Variants in PFKM observed in about 807,000 individuals in gnomAD.
The protein encoded by PFKM is phosphofructokinase, muscle, also known as ATP-dependent 6-phosphofructokinase, muscle type.
A neutral mutation model predicts 95.5 loss-of-function variants in PFKM; 58 were observed. The observed-to-expected ratio is 0.61, with a 90% CI of 0.49 to 0.76. The LOEUF (loss-of-function observed/expected upper bound fraction) is 0.76, where lower values mean the gene tolerates loss of function less well. PFKM is among the 30% of genes least tolerant of loss of function. The pLI is 0.00. For missense variants in PFKM, 678 were observed against 1,005.4 expected, an observed-to-expected ratio of 0.67 and a Z score of 4.40; for synonymous variants, 336 against 357.2, an observed-to-expected ratio of 0.94 and a Z score of 0.67.
At chr12:48,126,872 G>A (rs1195263954) in intron 2 of PFKM, among the ~76,000 whole-genome samples, 1 of 152,152 alleles carries the variant, frequency 6.6e-6, no homozygotes, top group Non-Finnish European at 1.5e-5. Context: ...CTAAAGCATT[G>A]AAGGCTTTGT....
chr12:48,130,908 A>G (rs527616945), intron 3 of PFKM, among the ~76,000 whole-genome samples: 5 of 152,116 alleles, frequency 3.3e-5, no homozygotes, highest in Non-Finnish European at 7.4e-5. Context: ...GCTTTCTTGT[A>G]TCAGATTTTA....
intron 14 of PFKM, 21 bp downstream of exon 14, chr12:48,140,892 C>T: frequency 6.2e-7 from 1 of 1,613,592 alleles, no homozygotes; most frequent in Non-Finnish European, 8.5e-7. Context: ...TATTCTGGGA[C>T]CTAGGAGCAG....
intron 4 of PFKM, chr12:48,132,664 T>A (rs1478521170): frequency 1.6e-6 from 1 of 610,386 alleles, no homozygotes; most frequent in Non-Finnish European, 2.9e-6. Flanking sequence ...TTCTCAGATG[T>A]GTAGCAAAAT....
intron 3 of PFKM, among the ~76,000 whole-genome samples, chr12:48,113,417 T>G (rs1466922241): frequency 1.3e-5 from 2 of 152,166 alleles, no homozygotes; most frequent in Non-Finnish European, 2.9e-5. Context: ...TGAGAAGATC[T>G]GGGAAGGAGT....
chr12:48,105,972 C>G (rs1279516760), exon 1 of PFKM: 1 of 699,466 alleles, frequency 1.4e-6, no homozygotes, highest in Non-Finnish European at 2.6e-6. Flanking sequence ...GACACAGTCT[C>G]CTGGACCAGG....
intron 7 of PFKM, 132 bp downstream of exon 7, chr12:48,134,408 CT>C: frequency 1.2e-6 from 1 of 810,688 alleles, no homozygotes; most frequent in Non-Finnish European, 2.2e-6. Flanking sequence ...GTGTGGTTCC[CT>C]TTCCGGCCTC....
intron 1 of PFKM, among the ~76,000 whole-genome samples, chr12:48,120,459 T>A (rs1485576886): frequency 6.6e-6 from 1 of 152,154 alleles, no homozygotes; most frequent in Non-Finnish European, 1.5e-5. Context: ...ATGATCATGA[T>A]CCCTGCCCTG....
intron 4 of PFKM, chr12:48,131,715 C>A (rs1482971375): frequency 2.5e-6 from 1 of 398,208 alleles, no homozygotes; most frequent in Admixed American, 3.6e-5. Flanking sequence ...AATAACCTTA[C>A]CAGAGGACTG....
intron 3 of PFKM, among the ~76,000 whole-genome samples, chr12:48,112,724 C>T (rs1428835198): frequency 2.0e-5 from 3 of 151,530 alleles, no homozygotes; most frequent in Non-Finnish European, 4.4e-5. Context: ...GTTGATAAGG[C>T]GCAGATCCTG....
chr12:48,138,395 T>G (rs962641952), intron 11 of PFKM, among the ~76,000 whole-genome samples: 2 of 152,160 alleles, frequency 1.3e-5, no homozygotes, highest in Admixed American at 6.5e-5. Flanking sequence ...AATCACTCCT[T>G]TGATACCACA....
chr12:48,138,247 G>A (rs921727161), intron 11 of PFKM, among the ~76,000 whole-genome samples: 1 of 152,158 alleles, frequency 6.6e-6, no homozygotes. Context: ...TCTTGAACAT[G>A]TTTCTCTGAA....
At chr12:48,129,265 T>C (rs1362337326) in intron 2 of PFKM, among the ~76,000 whole-genome samples, 9 of 125,644 alleles carry the variant, frequency 7.2e-5, no homozygotes, top group Non-Finnish European at 1.4e-4. Context: ...CTTGCTATGT[T>C]GCCCAGGCTG....
At chr12:48,138,690 G>A (rs901816747) in intron 11 of PFKM, among the ~76,000 whole-genome samples, 1 of 152,192 alleles carries the variant, frequency 6.6e-6, no homozygotes, top group Non-Finnish European at 1.5e-5. Flanking sequence ...TTTAAGGCCG[G>A]GGACCTGGGT....
intron 2 of PFKM, among the ~76,000 whole-genome samples, chr12:48,127,491 T>C (rs992119666): frequency 6.6e-5 from 10 of 152,162 alleles, no homozygotes; most frequent in Admixed American, 6.5e-4. Flanking sequence ...CACGGGACAT[T>C]TTCTCCTTCT....
upstream of PFKM, among the ~76,000 whole-genome samples, chr12:48,114,456 G>T (rs766683071): frequency 2.9e-4 from 44 of 152,198 alleles, no homozygotes; most frequent in Non-Finnish European, 5.4e-4. Context: ...ACCGGACCGG[G>T]TGTGGGGAGG....
At chr12:48,137,944 C>A in intron 11 of PFKM, 98 bp downstream of exon 11, 3 of 1,371,064 alleles carry the variant, frequency 2.2e-6, no homozygotes, top group African/African-American at 1.4e-5. Flanking sequence ...GGTATAGGAG[C>A]AGGTGGAAAG....
chr12:48,124,782 G>C (rs1184668477), intron 2 of PFKM, among the ~76,000 whole-genome samples: 1 of 152,170 alleles, frequency 6.6e-6, no homozygotes, highest in Non-Finnish European at 1.5e-5. Context: ...GAGAGTGATA[G>C]AAACTGAAAT....
intron 3 of PFKM, among the ~76,000 whole-genome samples, chr12:48,108,511 A>G (rs1592566773): frequency 6.6e-6 from 1 of 152,344 alleles, no homozygotes; most frequent in East Asian, 1.9e-4. Context: ...TAAACTACTA[A>G]TCTGGTTTAT....
chr12:48,137,668 G>T, intron 10 of PFKM, 53 bp from the exon 11 acceptor site: 5 of 1,612,472 alleles, frequency 3.1e-6, no homozygotes, highest in Non-Finnish European at 4.2e-6. Flanking sequence ...TCTAGGCTGA[G>T]CCAAGATGGG....
Sources: allele counts gnomAD v4.1 joint callset (sites outside exome capture counted in the v4.1 genomes callset), GRCh38; gene constraint gnomAD v4.1.1; transcripts MANE v1.5; gene names NCBI Gene and HGNC (gene_info 2026-07-23, HGNC 2026-07-21).